Variants in KCNB2 observed in about 807,000 individuals in gnomAD.
KCNB2 encodes delayed rectifier potassium channel protein.
In KCNB2, 15 loss-of-function variants were observed where a neutral mutation model predicts 61.5. That is an observed-to-expected ratio of 0.24 (90% CI 0.16 to 0.38). The LOEUF is 0.38. Among genes scored for constraint, KCNB2 ranks in the 10% least tolerant of loss-of-function variants. The pLI, the probability that KCNB2 is intolerant of heterozygous loss-of-function variation, is 1.00. For missense variants in KCNB2, 828 were observed against 1,125.2 expected (o/e 0.74, Z 3.78); for synonymous variants, 457 against 446.0 (o/e 1.02, Z -0.31).
At chr8:72,692,777 TTTAA>T (rs1023105728) in intron 2 of KCNB2, among the ~76,000 whole-genome samples, 10 of 149,070 alleles carry the variant, frequency 6.7e-5, no homozygotes, top group East Asian at 1.9e-4. Context: ...TTAATTATTA[TTTAA>T]TTATTTATTT....
chr8:72,608,332 T>C (rs1205000818), intron 2 of KCNB2, among the ~76,000 whole-genome samples: 1 of 152,110 alleles, frequency 6.6e-6, no homozygotes, highest in Non-Finnish European at 1.5e-5. Context: ...GCAGGACTTG[T>C]TCTGACTGCT....
chr8:72,659,912 T>C (rs1806351856), intron 2 of KCNB2, among the ~76,000 whole-genome samples: 1 of 152,240 alleles, frequency 6.6e-6, no homozygotes, highest in South Asian at 2.1e-4. Context: ...AGTTTGTGAC[T>C]CACTTTAATG....
At chr8:72,668,652 A>C (rs1472179476) in intron 2 of KCNB2, among the ~76,000 whole-genome samples, 1 of 152,084 alleles carries the variant, frequency 6.6e-6, no homozygotes, top group African/African-American at 2.4e-5. Flanking sequence ...CAAAGAGGCC[A>C]TTTCTGACCA....
intron 2 of KCNB2, among the ~76,000 whole-genome samples, chr8:72,882,093 A>T (rs895692972): frequency 2.0e-5 from 3 of 152,148 alleles, no homozygotes; most frequent in African/African-American, 7.2e-5. Context: ...GGAAAAAAAA[A>T]AATGTACTGA....
chr8:72,800,041 A>G (rs1010347995), intron 2 of KCNB2, among the ~76,000 whole-genome samples: 2 of 152,290 alleles, frequency 1.3e-5, no homozygotes, highest in Non-Finnish European at 2.9e-5. Flanking sequence ...GGCGAAAACC[A>G]ATTTAAATGT....
At chr8:72,804,477 TAATTA>T (rs1045075542) in intron 2 of KCNB2, among the ~76,000 whole-genome samples, 2 of 152,150 alleles carry the variant, frequency 1.3e-5, no homozygotes, top group African/African-American at 4.8e-5. Flanking sequence ...AAAAAAGAAT[TAATTA>T]AATTAAATCT....
At chr8:72,610,990 A>C (rs1369860926) in intron 2 of KCNB2, among the ~76,000 whole-genome samples, 1 of 152,192 alleles carries the variant, frequency 6.6e-6, no homozygotes, top group African/African-American at 2.4e-5. Context: ...CCTTCAAAAC[A>C]TTGACTTTAT....
In KCNB2 at chr8:72,806,614, CA is replaced by C. The variant is rs981542475; in HGVS notation, c.580-129309del. Among the ~76,000 whole-genome samples, 424 of 129,438 alleles carry C rather than the reference CA, an allele frequency of 3.3e-3. 2 individuals are homozygous for C. The highest frequency in any genetic ancestry group is 8.2e-3 in the African/African-American group (287 of 34,960). The allele number at this position is 129,438 out of a possible 152,430, so 84.9% of individuals were successfully genotyped here. ...TGGGCGACAGAGTGAGAATCAGTCTCAAAAAAAAAAAAGATGAATAATTTAA... is the reference window on the plus strand; with the variant it reads ...TGGGCGACAGAGTGAGAATCAGTCTCAAAAAAAAAAAGATGAATAATTTAA... On this transcript the variant is annotated intron_variant, in intron 2 of 2. Coordinates refer to ENST00000523207, the MANE Select transcript of KCNB2 (RefSeq NM_004770.3).
intron 2 of KCNB2, among the ~76,000 whole-genome samples, chr8:72,583,595 C>G (rs930160710): frequency 6.6e-6 from 1 of 152,072 alleles, no homozygotes; most frequent in Non-Finnish European, 1.5e-5. Flanking sequence ...GCCTTTTTTC[C>G]CTGAAAGATC....
At chr8:72,898,144 C>A (rs1806022321) in intron 2 of KCNB2, among the ~76,000 whole-genome samples, 1 of 152,054 alleles carries the variant, frequency 6.6e-6, no homozygotes, top group Non-Finnish European at 1.5e-5. Context: ...GCATGTCTAA[C>A]AAGGACTGAC....
intron 2 of KCNB2, among the ~76,000 whole-genome samples, chr8:72,641,173 A>G (rs1467592920): frequency 3.3e-5 from 5 of 152,072 alleles, no homozygotes; most frequent in Non-Finnish European, 5.9e-5. Flanking sequence ...TGGAAAATCA[A>G]AGTACCATAT....
At chr8:72,799,503 T>C (rs1288966576) in intron 2 of KCNB2, among the ~76,000 whole-genome samples, 1 of 152,114 alleles carries the variant, frequency 6.6e-6, no homozygotes, top group African/African-American at 2.4e-5. Flanking sequence ...ATAATTTACA[T>C]TCAAAACACT....
intron 2 of KCNB2, among the ~76,000 whole-genome samples, chr8:72,902,529 T>C (rs1419143965): frequency 6.6e-6 from 1 of 152,156 alleles, no homozygotes; most frequent in Admixed American, 6.6e-5. Context: ...GTATGCTACA[T>C]GGATATTGAA....
At chr8:72,716,443 C>G (rs1026520955) in intron 2 of KCNB2, among the ~76,000 whole-genome samples, 1 of 151,806 alleles carries the variant, frequency 6.6e-6, no homozygotes, top group South Asian at 2.1e-4. Flanking sequence ...ATCCAGCAAC[C>G]CATCAAAAAG....
chr8:72,668,830 C>G (rs1224525377), intron 2 of KCNB2, among the ~76,000 whole-genome samples: 7 of 151,972 alleles, frequency 4.6e-5, no homozygotes, highest in African/African-American at 7.3e-5. Flanking sequence ...TCATGTTATT[C>G]CTGTGCCTCA....
chr8:72,572,547 C>T (rs1016101772), intron 2 of KCNB2, among the ~76,000 whole-genome samples: 2 of 151,350 alleles, frequency 1.3e-5, no homozygotes, highest in Non-Finnish European at 2.9e-5. Context: ...CCCCGCTCCT[C>T]CTCTCTCTCT....
chr8:72,922,459 A>G (rs1806542798), intron 2 of KCNB2, among the ~76,000 whole-genome samples: 2 of 152,332 alleles, frequency 1.3e-5, no homozygotes, highest in South Asian at 4.1e-4. Context: ...ATGGAAATTA[A>G]TTTCTCAGTT....
intron 2 of KCNB2, among the ~76,000 whole-genome samples, chr8:72,904,327 T>A (rs879261602): frequency 6.6e-6 from 1 of 152,140 alleles, no homozygotes; most frequent in Admixed American, 6.6e-5. Context: ...CCTCTGCACT[T>A]TGAAACAGAT....
At position 72,715,646 on chromosome 8, in the gene KCNB2, G is replaced by A. The variant is rs527240094; in HGVS notation, c.579+147333G>A. Among the ~76,000 whole-genome samples the A allele has an allele frequency of 1.1e-3, 174 of 151,962 alleles. 2 individuals are homozygous for A. Among genetic ancestry groups the A allele is most frequent in the Non-Finnish European group, 1.3e-3 (88 of 67,976 alleles). On this transcript the variant is annotated intron_variant, in intron 2 of 2. Transcript: ENST00000523207. Reference sequence around the variant, plus strand: ...AAGACACAACATACCAGAATCTCTGGGACACAATCAAAGCAGCGTGTAGAG... The same window carrying A: ...AAGACACAACATACCAGAATCTCTGAGACACAATCAAAGCAGCGTGTAGAG...
Sources: gnomAD v4.1 joint callset for allele counts (sites outside exome capture counted in the v4.1 genomes callset) on GRCh38, gnomAD v4.1.1 for gene constraint, MANE v1.5 for transcripts, NCBI Gene and HGNC (gene_info 2026-07-23, HGNC 2026-07-21) for gene names.